Variants in MYO1E observed in about 807,000 individuals in gnomAD.
MYO1E encodes the protein unconventional myosin-Ie.
In MYO1E, 68 loss-of-function variants were observed where a neutral mutation model predicts 151.1. That is an observed-to-expected ratio of 0.45 (90% CI 0.37 to 0.55). The LOEUF is 0.55. Ranked by LOEUF, MYO1E falls within the 20% of genes least tolerant of loss-of-function variation. MYO1E has a pLI of 0.00. For synonymous variants in MYO1E, 601 were observed against 501.7 expected, an observed-to-expected ratio of 1.20 and a Z score of -2.64; for missense variants, 1,363 against 1,389.3, an observed-to-expected ratio of 0.98 and a Z score of 0.30.
chr15:59,221,059 AT>A (rs1191330820), intron 9 of MYO1E, among the ~76,000 whole-genome samples: 4 of 146,778 alleles, frequency 2.7e-5, no homozygotes, highest in African/African-American at 1.0e-4. Context: ...CACACACATA[AT>A]TTTTTTTCCC....
intron 1 of MYO1E, among the ~76,000 whole-genome samples, chr15:59,278,411 C>T (rs934296551): frequency 6.6e-6 from 1 of 152,122 alleles, no homozygotes; most frequent in Non-Finnish European, 1.5e-5. Context: ...AGGAAAGGGA[C>T]TACCTATTTT....
chr15:59,205,769 G>A (rs2079829561), intron 14 of MYO1E, among the ~76,000 whole-genome samples: 1 of 152,166 alleles, frequency 6.6e-6, no homozygotes, highest in Non-Finnish European at 1.5e-5. Context: ...TCCGTAATCA[G>A]AACTCCAGCT....
At chr15:59,278,768 C>G (rs751726399) in intron 1 of MYO1E, among the ~76,000 whole-genome samples, 1 of 152,268 alleles carries the variant, frequency 6.6e-6, no homozygotes, top group East Asian at 1.9e-4. Flanking sequence ...CACTCTCAAC[C>G]CCTTACACTC....
At chr15:59,186,264 T>C (rs551434075) in intron 18 of MYO1E, among the ~76,000 whole-genome samples, 6 of 152,226 alleles carry the variant, frequency 3.9e-5, no homozygotes, top group Non-Finnish European at 8.8e-5. Context: ...AGCTCTTTTT[T>C]AAAACCTCTA....
chr15:59,314,852 T>G (rs1567012122), intron 1 of MYO1E, among the ~76,000 whole-genome samples: 1 of 151,906 alleles, frequency 6.6e-6, no homozygotes, highest in Non-Finnish European at 1.5e-5. Flanking sequence ...CTGCTGGAGG[T>G]AGAGGGGCTG....
chr15:59,231,952 T>C (rs1383070255), intron 5 of MYO1E, among the ~76,000 whole-genome samples, 161 bp from the exon 6 acceptor site: 1 of 152,212 alleles, frequency 6.6e-6, no homozygotes, highest in Non-Finnish European at 1.5e-5. Flanking sequence ...TCTTTCACCA[T>C]GACAGACCTC....
chr15:59,172,279 C>T (rs185412129), intron 21 of MYO1E, among the ~76,000 whole-genome samples: 2 of 152,274 alleles, frequency 1.3e-5, no homozygotes, highest in South Asian at 4.1e-4. Context: ...ATCGCTTTAA[C>T]CTGGGAGGTG....
chr15:59,366,677 C>T (rs541038483), intron 1 of MYO1E, among the ~76,000 whole-genome samples: 7 of 152,176 alleles, frequency 4.6e-5, no homozygotes, highest in Non-Finnish European at 7.4e-5. Context: ...CTGGCTTTTA[C>T]AGTTGTACTT....
At chr15:59,231,464 G>C (rs1192496491) in intron 6 of MYO1E, among the ~76,000 whole-genome samples, 1 of 152,200 alleles carries the variant, frequency 6.6e-6, no homozygotes, top group African/African-American at 2.4e-5. Context: ...ATTTTCCTTA[G>C]TAAGGCAACT....
chr15:59,183,383 T>C (rs1257753130), intron 18 of MYO1E, among the ~76,000 whole-genome samples: 1 of 151,578 alleles, frequency 6.6e-6, no homozygotes, highest in Non-Finnish European at 1.5e-5. Context: ...TGAGACACAG[T>C]CTTGCTCTGT....
Position 59,216,390 on chromosome 15 carries a change from T to C in MYO1E, c.1107+1501A>G, listed in dbSNP as rs555417039. On this transcript the variant is annotated intron_variant, in intron 10 of 27. Coordinates refer to ENST00000288235, the MANE Select transcript of MYO1E (RefSeq NM_004998.4). ...AAGTGAGGGTTTTTTCTCTTTAAAA[T>C]ACTCAGAACAGTATCTGGGCACTAA... Among the ~76,000 whole-genome samples the C allele has an allele frequency of 1.1e-4, 17 of 152,020 alleles. No individual in the cohort carries two copies. In the East Asian group the frequency reaches 3.1e-3, roughly 28 times the overall value.
intron 1 of MYO1E, among the ~76,000 whole-genome samples, chr15:59,307,428 G>C (rs2080521198): frequency 6.6e-6 from 1 of 152,182 alleles, no homozygotes; most frequent in African/African-American, 2.4e-5. Flanking sequence ...GCCACCATGG[G>C]AAAGGGACAG....
chr15:59,367,052 T>A (rs1361968861), intron 1 of MYO1E, among the ~76,000 whole-genome samples: 2 of 145,088 alleles, frequency 1.4e-5, no homozygotes, highest in African/African-American at 2.5e-5. Context: ...AAACCATGAC[T>A]GTACATAATT....
At chr15:59,362,790 C>G (rs2080892556) in intron 1 of MYO1E, among the ~76,000 whole-genome samples, 2 of 152,148 alleles carry the variant, frequency 1.3e-5, no homozygotes, top group East Asian at 1.9e-4. Flanking sequence ...AAATTGCTGT[C>G]AACATCAAAT....
chr15:59,154,747 A>T (rs2079500581), intron 25 of MYO1E, among the ~76,000 whole-genome samples: 1 of 152,204 alleles, frequency 6.6e-6, no homozygotes, highest in South Asian at 2.1e-4. Context: ...TTCTTCATGA[A>T]AGAACCACGA....
Position 59,134,051 on chromosome 15 carries a change from G to A in MYO1E, c.*3329C>T, listed in dbSNP as rs1302111026. The A allele has an allele frequency of 6.6e-6, 1 of 152,292 alleles. No homozygotes were observed. The highest frequency in any genetic ancestry group is 1.9e-4 in the East Asian group (1 of 5,202). The allele number at this position is 152,292 out of a possible 1,614,324, so 9.4% of individuals were successfully genotyped here. ...GCTGTCACTCTGGTGCTCTGGGTAAGCTGCTGAGACAGCTCTGTGCAGAGA... is the reference window on the plus strand; with the variant it reads ...GCTGTCACTCTGGTGCTCTGGGTAAACTGCTGAGACAGCTCTGTGCAGAGA... On this transcript the variant is annotated 3_prime_UTR_variant, in exon 28 of 28. Transcript: ENST00000288235.
chr15:59,203,352 A>G (rs1459088015), intron 15 of MYO1E, among the ~76,000 whole-genome samples: 2 of 151,270 alleles, frequency 1.3e-5, no homozygotes, highest in African/African-American at 4.9e-5. Flanking sequence ...AGCAGTAACA[A>G]ATCACCAGGC....
chr15:59,312,327 GTGTGCACTAA>G (rs1350579464), intron 1 of MYO1E, among the ~76,000 whole-genome samples: 1 of 152,148 alleles, frequency 6.6e-6, no homozygotes, highest in East Asian at 1.9e-4. Context: ...AGAAAAGATC[GTGTGCACTAA>G]TCAGGAAAGG....
intron 1 of MYO1E, among the ~76,000 whole-genome samples, chr15:59,307,446 A>C (rs1021633015): frequency 6.6e-6 from 1 of 152,208 alleles, no homozygotes; most frequent in African/African-American, 2.4e-5. Context: ...CAGAGCAAGA[A>C]CCAGATTCTG....
Sources: allele counts gnomAD v4.1 joint callset (sites outside exome capture counted in the v4.1 genomes callset), GRCh38; gene constraint gnomAD v4.1.1; transcripts MANE v1.5; gene names NCBI Gene and HGNC (gene_info 2026-07-23, HGNC 2026-07-21).